Variants in IMMP2L observed in about 807,000 individuals in gnomAD.
IMMP2L encodes the protein inner mitochondrial membrane peptidase subunit 2.
A neutral mutation model predicts 19.3 loss-of-function variants in IMMP2L; 18 were observed. The observed-to-expected ratio is 0.93, with a 90% confidence interval of 0.64 to 1.38. The LOEUF (loss-of-function observed/expected upper bound fraction) is 1.38, where lower values mean the gene tolerates loss of function less well. Ranked by LOEUF, IMMP2L falls within the 40% of genes most tolerant of loss-of-function variation. IMMP2L has a pLI of 0.00. For synonymous variants in IMMP2L, 76 were observed against 73.0 expected (o/e 1.04, Z -0.21); for missense variants, 233 against 218.2 (o/e 1.07, Z -0.43).
At chr7:110,778,012 T>G (rs6944830) in intron 5 of IMMP2L, among the ~76,000 whole-genome samples, 46,686 of 151,758 alleles carry the variant, frequency 0.31, 8,922 homozygotes, top group East Asian at 0.69. Context: ...CTTGGCAGTT[T>G]TTAAGGTAGT....
At chr7:111,469,403 C>G (rs1312054869) in intron 3 of IMMP2L, among the ~76,000 whole-genome samples, 2 of 152,160 alleles carry the variant, frequency 1.3e-5, no homozygotes, top group South Asian at 4.2e-4. Context: ...AATGTTCTTC[C>G]ATTCGTTTGT....
At chr7:111,198,625 C>T (rs1402667435) in intron 3 of IMMP2L, among the ~76,000 whole-genome samples, 1 of 152,194 alleles carries the variant, frequency 6.6e-6, no homozygotes, top group Non-Finnish European at 1.5e-5. Context: ...TTGATTCATG[C>T]TACTTCTACA....
At chr7:111,441,801 T>C (rs1022063954) in intron 3 of IMMP2L, among the ~76,000 whole-genome samples, 2 of 151,074 alleles carry the variant, frequency 1.3e-5, no homozygotes, top group African/African-American at 4.9e-5. Flanking sequence ...TGTTCTTGTA[T>C]ACAACTAACT....
At chr7:111,016,825 A>ATATATAATATATAATATATATAT (rs1825694781) in intron 3 of IMMP2L, among the ~76,000 whole-genome samples, 3 of 62,178 alleles carry the variant, frequency 4.8e-5, no homozygotes, top group Non-Finnish European at 8.9e-5. Context: ...ATTATATATA[A>ATATATAATATATAATATATATAT]TATATAGTAT....
chr7:111,225,768 G>A lies in IMMP2L; in HGVS notation c.239+261470C>T, dbSNP rs901045119. ...AGTAAATTATCCAATTCCATCACAT[G>A]GTTCCTTAAGAAGACTTGTGCACAT... On this transcript the variant is annotated intron_variant, in intron 3 of 5. Transcript: ENST00000405709. 4.0e-5 allele frequency among the ~76,000 whole-genome samples: 6 copies of A among 151,110 alleles called. No homozygotes were observed. In the East Asian group the frequency reaches 1.2e-3, roughly 29 times the overall value.
At chr7:110,778,550 T>G (rs1232479011) in intron 5 of IMMP2L, among the ~76,000 whole-genome samples, 1 of 151,972 alleles carries the variant, frequency 6.6e-6, no homozygotes, top group Non-Finnish European at 1.5e-5. Context: ...TAAACTAAAA[T>G]AGAGCAAACT....
intron 3 of IMMP2L, among the ~76,000 whole-genome samples, chr7:111,152,872 A>T (rs950622508): frequency 6.6e-6 from 1 of 152,164 alleles, no homozygotes; most frequent in African/African-American, 2.4e-5. Flanking sequence ...TTAGTATTCC[A>T]GAACTTAGGA....
chr7:111,384,200 AAGGAGAGAAGAGAG>A (rs1415071299), intron 3 of IMMP2L, among the ~76,000 whole-genome samples: 3 of 150,774 alleles, frequency 2.0e-5, no homozygotes, highest in Non-Finnish European at 4.4e-5. Flanking sequence ...AGAAAGGAGA[AAGGAGAGAAGAGAG>A]AGGAGAGAGG....
chr7:110,694,794 G>C (rs1793757558), intron 5 of IMMP2L, among the ~76,000 whole-genome samples: 1 of 152,110 alleles, frequency 6.6e-6, no homozygotes, highest in South Asian at 2.1e-4. Context: ...TAGTAGCACT[G>C]TTTACAATAG....
chr7:110,908,276 T>C (rs1302581791), intron 4 of IMMP2L, among the ~76,000 whole-genome samples: 1 of 152,172 alleles, frequency 6.6e-6, no homozygotes, highest in Non-Finnish European at 1.5e-5. Context: ...TTATTTATAG[T>C]TTAATATCAC....
At chr7:111,324,933 T>G (rs1825154978) in intron 3 of IMMP2L, among the ~76,000 whole-genome samples, 1 of 151,824 alleles carries the variant, frequency 6.6e-6, no homozygotes, top group African/African-American at 2.4e-5. Flanking sequence ...ATGACTAAGA[T>G]AAGTCTGCCA....
intron 3 of IMMP2L, among the ~76,000 whole-genome samples, chr7:111,177,501 G>A (rs1411018812): frequency 6.6e-6 from 1 of 152,004 alleles, no homozygotes; most frequent in Non-Finnish European, 1.5e-5. Flanking sequence ...TTGAAAAATC[G>A]ATTCCCTTTC....
intron 1 of IMMP2L, among the ~76,000 whole-genome samples, chr7:111,559,522 G>A (rs558214772): frequency 6.6e-6 from 1 of 152,206 alleles, no homozygotes; most frequent in South Asian, 2.1e-4. Context: ...GCTGTGGAAT[G>A]ATCTGATAAG....
chr7:111,201,279 CA>C (rs564280464), intron 3 of IMMP2L, among the ~76,000 whole-genome samples: 816 of 134,204 alleles, frequency 6.1e-3, no homozygotes, highest in Middle Eastern at 7.7e-3. Context: ...GTATCAAATC[CA>C]AAAAAAAAAA....
intron 3 of IMMP2L, among the ~76,000 whole-genome samples, chr7:111,312,282 G>C (rs1250853662): frequency 3.3e-5 from 5 of 152,122 alleles, no homozygotes; most frequent in Non-Finnish European, 5.9e-5. Context: ...ATTTAGGTGA[G>C]TTCACTCACA....
intron 3 of IMMP2L, among the ~76,000 whole-genome samples, chr7:111,227,165 T>G (rs911553532): frequency 2.0e-5 from 3 of 152,206 alleles, no homozygotes; most frequent in Non-Finnish European, 4.4e-5. Context: ...CACAGAATGC[T>G]GCACTTGCCA....
At chr7:111,092,431 G>A (rs867343611) in intron 3 of IMMP2L, among the ~76,000 whole-genome samples, 10 of 152,212 alleles carry the variant, frequency 6.6e-5, no homozygotes, top group Middle Eastern at 6.8e-3. Context: ...ATATGTCCTT[G>A]TTTCTCTGCC....
At chr7:111,240,471 T>C (rs1287473654) in intron 3 of IMMP2L, among the ~76,000 whole-genome samples, 2 of 151,984 alleles carry the variant, frequency 1.3e-5, no homozygotes, top group Non-Finnish European at 2.9e-5. Flanking sequence ...ATTAGATACA[T>C]ATTCACACCT....
At chr7:111,177,500 C>T (rs942426977) in intron 3 of IMMP2L, among the ~76,000 whole-genome samples, 2 of 151,940 alleles carry the variant, frequency 1.3e-5, no homozygotes, top group Non-Finnish European at 2.9e-5. Context: ...TTTGAAAAAT[C>T]GATTCCCTTT....
Sources: gnomAD v4.1 joint callset for allele counts (sites outside exome capture counted in the v4.1 genomes callset) on GRCh38, gnomAD v4.1.1 for gene constraint, MANE v1.5 for transcripts, NCBI Gene and HGNC (gene_info 2026-07-23, HGNC 2026-07-21) for gene names.